SH3KBP1: variants seen among roughly 807,000 people sequenced by gnomAD.
SH3KBP1 encodes SH3 domain containing kinase binding protein 1.
Under a neutral mutation model 50.1 loss-of-function variants are expected in SH3KBP1, and 8 were observed. The observed-to-expected ratio is 0.16, with a 90% CI of 0.09 to 0.29. The LOEUF is 0.29. Ranked by LOEUF, SH3KBP1 falls within the 10% of genes least tolerant of loss-of-function variation. The pLI is 1.00. For missense variants in SH3KBP1, 377 were observed against 535.2 expected, an observed-to-expected ratio of 0.70 and a Z score of 2.92; for synonymous variants, 227 against 218.6, an observed-to-expected ratio of 1.04 and a Z score of -0.34.
At chrX:19,735,501 T>C (rs891168364) in intron 3 of SH3KBP1, among the ~76,000 whole-genome samples, 1 of 109,980 alleles carries the variant, frequency 9.1e-6, no homozygotes, top group Admixed American at 9.8e-5. Context: ...TTTTTGTATG[T>C]CATGTTTTCA....
chrX:19,840,142 A>C (rs2068181404), intron 1 of SH3KBP1, among the ~76,000 whole-genome samples: 1 of 111,947 alleles, frequency 8.9e-6, no homozygotes, highest in African/African-American at 3.3e-5. Flanking sequence ...TGGCTTTGTT[A>C]AGAGCTCATA....
At chrX:19,537,576 C>G (rs990572210) in intron 17 of SH3KBP1, 141 bp downstream of exon 17, 1 of 516,108 alleles carries the variant, frequency 1.9e-6, no homozygotes, top group African/African-American at 2.4e-5. Context: ...TAAGCCCATA[C>G]GATTCTAAGA....
intron 6 of SH3KBP1, among the ~76,000 whole-genome samples, chrX:19,671,391 C>CACACAG (rs1218338328): frequency 1.3e-3 from 138 of 110,131 alleles, no homozygotes; most frequent in Middle Eastern, 4.6e-3. Context: ...CACACACACA[C>CACACAG]ACACATACAC....
intron 6 of SH3KBP1, among the ~76,000 whole-genome samples, chrX:19,682,161 G>C (rs1303747865): frequency 1.8e-5 from 2 of 111,253 alleles, no homozygotes; most frequent in Non-Finnish European, 3.8e-5. Context: ...AGATCTTCAA[G>C]TGGAGATACT....
chrX:19,818,056 T>C (rs1317781711), intron 2 of SH3KBP1, among the ~76,000 whole-genome samples: 2 of 112,339 alleles, frequency 1.8e-5, no homozygotes, highest in East Asian at 5.6e-4. Flanking sequence ...AGGTGTGTAG[T>C]AGGCTATATC....
intron 13 of SH3KBP1, among the ~76,000 whole-genome samples, chrX:19,560,098 C>T (rs1425804507): frequency 9.2e-6 from 1 of 108,469 alleles, no homozygotes; most frequent in Non-Finnish European, 1.9e-5. Context: ...CTAGCCTGGG[C>T]AACATAGCAA....
At chrX:19,572,510 T>C (rs1021091676) in intron 12 of SH3KBP1, among the ~76,000 whole-genome samples, 4 of 107,685 alleles carry the variant, frequency 3.7e-5, no homozygotes, top group African/African-American at 1.3e-4. Context: ...TACATATATA[T>C]GTCACATATA....
chrX:19,800,021 C>T (rs1048503949), intron 2 of SH3KBP1, among the ~76,000 whole-genome samples: 6 of 111,498 alleles, frequency 5.4e-5, no homozygotes, highest in African/African-American at 9.8e-5. Flanking sequence ...GCTGGAGAAC[C>T]GCAGAGTCTG....
chrX:19,598,630 C>T (rs7885867), intron 9 of SH3KBP1, among the ~76,000 whole-genome samples: 1 of 111,401 alleles, frequency 9.0e-6, no homozygotes, highest in East Asian at 2.8e-4. Context: ...CAGGCTATCA[C>T]AGGGCTGTTA....
chrX:19,688,367 C>T (rs1314238207), intron 5 of SH3KBP1, among the ~76,000 whole-genome samples: 1 of 111,536 alleles, frequency 9.0e-6, no homozygotes, highest in Non-Finnish European at 1.9e-5. Context: ...ACCAGAAAAC[C>T]CTATTTCTCA....
chrX:19,824,766 G>A (rs914113789), intron 2 of SH3KBP1, among the ~76,000 whole-genome samples: 5 of 111,557 alleles, frequency 4.5e-5, no homozygotes, highest in African/African-American at 6.5e-5. Flanking sequence ...AAAACTCACT[G>A]AGGTCACAGC....
chrX:19,876,884 T>C (rs182818380), intron 1 of SH3KBP1, among the ~76,000 whole-genome samples: 1 of 112,041 alleles, frequency 8.9e-6, no homozygotes, highest in Non-Finnish European at 1.9e-5. Context: ...AGAAAACAGA[T>C]GAAGACAGTG....
At chrX:19,602,818 TGTCA>T (rs1358730858) in intron 9 of SH3KBP1, among the ~76,000 whole-genome samples, 1 of 111,909 alleles carries the variant, frequency 8.9e-6, no homozygotes. Flanking sequence ...CGGACTGAGT[TGTCA>T]GAAGATGGAG....
intron 2 of SH3KBP1, among the ~76,000 whole-genome samples, chrX:19,775,711 G>A (rs1449440113): frequency 1.8e-5 from 2 of 111,539 alleles, no homozygotes; most frequent in African/African-American, 6.5e-5. Flanking sequence ...CCTCTGCTCT[G>A]TGTCTAATTC....
chrX:19,803,947 C>T (rs746400637), intron 2 of SH3KBP1, among the ~76,000 whole-genome samples: 2 of 111,142 alleles, frequency 1.8e-5, no homozygotes, highest in Admixed American at 9.5e-5. Context: ...CCGAGGCAGG[C>T]GGATCACGAG....
At chrX:19,641,148 C>T (rs2061846615) in intron 7 of SH3KBP1, among the ~76,000 whole-genome samples, 1 of 111,881 alleles carries the variant, frequency 8.9e-6, no homozygotes, top group Non-Finnish European at 1.9e-5. Flanking sequence ...GGACACCCTC[C>T]ACTGGTAACA....
intron 1 of SH3KBP1, among the ~76,000 whole-genome samples, chrX:19,868,092 CA>C (rs890593932): frequency 8.9e-6 from 1 of 111,893 alleles, no homozygotes; most frequent in Non-Finnish European, 1.9e-5. Flanking sequence ...CTACTATGTG[CA>C]TGCAATGTAT....
chrX:19,794,885 G>A (rs2066665209), intron 2 of SH3KBP1, among the ~76,000 whole-genome samples: 1 of 110,659 alleles, frequency 9.0e-6, no homozygotes, highest in Non-Finnish European at 1.9e-5. Context: ...TTAGTGCCCA[G>A]GCATGACTCT....
In SH3KBP1 at chrX:19,804,321, G is replaced by C. The variant is rs184133950; in HGVS notation, c.162+31804C>G. Among the ~76,000 whole-genome samples, 210 of 110,982 alleles carry C rather than the reference G, an allele frequency of 1.9e-3. 2 individuals are homozygous for C. Among genetic ancestry groups the C allele is most frequent in the African/African-American group, 6.6e-3 (201 of 30,498 alleles). On this transcript the variant is annotated intron_variant, in intron 2 of 17. Transcript: ENST00000397821. Reference sequence around the variant, plus strand: ...TATTTGGGCCCCGGCTTCCCTGGAGGCACTCCAGGGGCCTTCACAGACATT... The same window carrying C: ...TATTTGGGCCCCGGCTTCCCTGGAGCCACTCCAGGGGCCTTCACAGACATT...
Sources: gnomAD v4.1 joint callset for allele counts (sites outside exome capture counted in the v4.1 genomes callset) on GRCh38, gnomAD v4.1.1 for gene constraint, MANE v1.5 for transcripts, NCBI Gene and HGNC (gene_info 2026-07-23, HGNC 2026-07-21) for gene names.